The following PTGFR variants were observed in gnomAD, a reference collection of about 807,000 sequenced individuals.
PTGFR encodes prostaglandin F receptor.
PTGFR carries 15 observed loss-of-function variants against 26.2 expected under a neutral mutation model. That is an observed-to-expected ratio of 0.57 (90% CI 0.38 to 0.88). The LOEUF is 0.88. Ranked by LOEUF, PTGFR falls within the 40% of genes least tolerant of loss-of-function variation. The probability of loss-of-function intolerance (pLI) is 0.00; values close to 1 mark genes in which losing one functional copy is unlikely to be tolerated. For missense variants in PTGFR, 369 were observed against 427.2 expected, an observed-to-expected ratio of 0.86 and a Z score of 1.20; for synonymous variants, 165 against 151.1, an observed-to-expected ratio of 1.09 and a Z score of -0.68.
At chr1:78,532,364 TTA>T (rs200848855) in intron 2 of PTGFR, 1,379 of 85,200 alleles carry the variant, frequency 0.016, 39 homozygotes, top group African/African-American at 0.027. Flanking sequence ...GTAAATTCAT[TTA>T]TATATATATA....
At chr1:78,517,759 C>G (rs531396049) in intron 2 of PTGFR, among the ~76,000 whole-genome samples, 44 of 152,046 alleles carry the variant, frequency 2.9e-4, no homozygotes, top group Admixed American at 1.3e-4. Flanking sequence ...GTTTTGGAAG[C>G]CATTGGAAGG....
At chr1:78,530,921 C>T (rs536925435) in intron 2 of PTGFR, among the ~76,000 whole-genome samples, 1 of 152,204 alleles carries the variant, frequency 6.6e-6, no homozygotes, top group South Asian at 2.1e-4. Flanking sequence ...TTGGCAATAT[C>T]AGAAAGATAG....
chr1:78,517,251 G>A lies in PTGFR; in HGVS notation c.799-19155G>A, dbSNP rs552356732. On this transcript the variant is annotated intron_variant, in intron 2 of 2. Transcript: ENST00000370757. ...AAAATTTTTTATCAGTGCTTTCCATGTGTAAGATACTGTTCTAGATGCTAG... is the reference window on the plus strand; with the variant it reads ...AAAATTTTTTATCAGTGCTTTCCATATGTAAGATACTGTTCTAGATGCTAG... Among the ~76,000 whole-genome samples, 5 of 152,218 alleles carry A rather than the reference G, an allele frequency of 3.3e-5. 1 individual carries two copies. The South Asian group carries it at 1.0e-3, about 32-fold the overall frequency.
intron 2 of PTGFR, 146 bp from the exon 3 acceptor site, chr1:78,536,260 T>G: frequency 1.4e-6 from 1 of 740,570 alleles, no homozygotes; most frequent in Non-Finnish European, 2.1e-6. Flanking sequence ...GTTTCTGCTA[T>G]CATTGATTTC....
chr1:78,509,251 G>C (rs2100367480), intron 2 of PTGFR, among the ~76,000 whole-genome samples: 1 of 152,262 alleles, frequency 6.6e-6, no homozygotes, highest in South Asian at 2.1e-4. Context: ...CCTAGTGCCA[G>C]GAATATGATG....
Position 78,492,859 on chromosome 1 carries a change from T to C in PTGFR, c.116T>C (p.Val39Ala). ...TTTTTTTCAGTAATCTTCATGACAGTGGGAATCTTGTCAAACAGCCTTGCC... is the reference window on the plus strand; with the variant it reads ...TTTTTTTCAGTAATCTTCATGACAGCGGGAATCTTGTCAAACAGCCTTGCC... ...SVFFSVIFMT[V>A]GILSNSLAIA... The change falls in exon 2 of 3, where the codon GTG becomes GCG. Residue 39 changes from valine to alanine, a missense_variant. Val to Ala is a moderately conservative substitution (Grantham distance 64, BLOSUM62 0). Transcript: ENST00000370757. 7 of 1,614,162 alleles carry C rather than the reference T, an allele frequency of 4.3e-6. No homozygotes were observed. In the South Asian group the frequency reaches 7.7e-5, roughly 18 times the overall value.
chr1:78,493,334 A>G lies in PTGFR; in HGVS notation c.591A>G (p.Glu197=). ...ACACAGAAGACATCAAAGACTGGGA[A>G]GATAGATTTTATCTTCTACTTTTTT... ...FYNTEDIKDW[E]DRFYLLLFSF... The change falls in exon 2 of 3, where the codon GAA becomes GAG. Residue 197 remains glutamate (E), a synonymous_variant. Coordinates refer to ENST00000370757, the MANE Select transcript of PTGFR (RefSeq NM_000959.4). 2 of 1,614,174 alleles carry G rather than the reference A, an allele frequency of 1.2e-6. No individual in the cohort carries two copies. Among genetic ancestry groups the G allele is most frequent in the Non-Finnish European group, 1.7e-6 (2 of 1,180,008 alleles).
intron 2 of PTGFR, among the ~76,000 whole-genome samples, chr1:78,502,554 TCA>T: frequency 6.6e-6 from 1 of 152,298 alleles, no homozygotes; most frequent in Middle Eastern, 3.4e-3. Context: ...ACCATATGCT[TCA>T]GTTATTATAC....
rs1570265735 is a variant in PTGFR, at chr1:78,493,339, G to T, written c.596G>T (p.Arg199Ile). 1 of 1,614,118 alleles carries T rather than the reference G, an allele frequency of 6.2e-7. No individual in the cohort carries two copies. The highest frequency in any genetic ancestry group is 1.1e-5 in the South Asian group (1 of 91,066). ...GAAGACATCAAAGACTGGGAAGATA[G>T]ATTTTATCTTCTACTTTTTTCTTTT... ...NTEDIKDWEDRFYLLLFSFLG... is the reference protein window; with the variant it reads ...NTEDIKDWEDIFYLLLFSFLG... Residue 199 changes from arginine (R) to isoleucine (I), a missense_variant, in exon 2 of 3, where the codon AGA (arginine) becomes ATA (isoleucine). By Grantham distance (97) the Arg-to-Ile change is moderately conservative. Transcript: ENST00000370757.
Position 78,536,578 on chromosome 1 carries a change from G to C in PTGFR, c.971G>C (p.Gly324Ala), listed in dbSNP as rs1342726955. 6.2e-7 allele frequency: 1 copy of C among 1,613,394 alleles called. No homozygotes were observed. The highest frequency in any genetic ancestry group is 2.2e-5 in the East Asian group (1 of 44,828). Residue 324 changes from glycine (G) to alanine (A), a missense_variant, in exon 3 of 3, where the codon GGA (glycine) becomes GCA (alanine). Physicochemically the swap from Gly to Ala is moderately conservative, Grantham distance 60. Coordinates refer to ENST00000370757, the MANE Select transcript of PTGFR (RefSeq NM_000959.4). ...TATAAGCTTGCCAGTCAATGCTGTG[G>C]AGTGCATGTCATCAGCTTACATATT... ...NLYKLASQCC[G>A]VHVISLHIWE...
intron 2 of PTGFR, among the ~76,000 whole-genome samples, chr1:78,504,936 C>G (rs1649792942): frequency 6.6e-6 from 1 of 151,946 alleles, no homozygotes; most frequent in Admixed American, 6.6e-5. Context: ...GCTTTATGTA[C>G]AATTATCATC....
At chr1:78,526,630 A>G (rs555298323) in intron 2 of PTGFR, among the ~76,000 whole-genome samples, 1 of 152,248 alleles carries the variant, frequency 6.6e-6, no homozygotes, top group South Asian at 2.1e-4. Context: ...AGAATGAACA[A>G]ATAAAAAGAA....
intron 2 of PTGFR, among the ~76,000 whole-genome samples, chr1:78,510,775 T>C (rs190197803): frequency 6.6e-6 from 1 of 152,272 alleles, no homozygotes; most frequent in Non-Finnish European, 1.5e-5. Context: ...CATCTGAGAC[T>C]CAAGTCAGAT....
At chr1:78,531,815 G>GGA (rs1650514420) in intron 2 of PTGFR, among the ~76,000 whole-genome samples, 1 of 152,050 alleles carries the variant, frequency 6.6e-6, no homozygotes, top group South Asian at 2.1e-4. Flanking sequence ...ACAAAGTAGA[G>GGA]GAGTAGGATT....
chr1:78,492,226 TTAAC>T (rs1304313675), intron 1 of PTGFR, among the ~76,000 whole-genome samples: 3 of 152,236 alleles, frequency 2.0e-5, no homozygotes, highest in African/African-American at 7.2e-5. Flanking sequence ...AGCAGGTCGT[TTAAC>T]TGAGGAATAA....
chr1:78,507,157 G>T (rs1174764764), intron 2 of PTGFR, among the ~76,000 whole-genome samples: 1 of 152,160 alleles, frequency 6.6e-6, no homozygotes, highest in Non-Finnish European at 1.5e-5. Flanking sequence ...TCTGTCCTCT[G>T]ATTCTTCAGG....
chr1:78,493,569 T>C (rs1352082622), intron 2 of PTGFR, 28 bp downstream of exon 2: 2 of 1,507,240 alleles, frequency 1.3e-6, no homozygotes, highest in African/African-American at 1.4e-5. Context: ...TGACTTCTGC[T>C]TTCTTGGGTT....
chr1:78,505,022 C>G (rs1649795199), intron 2 of PTGFR, among the ~76,000 whole-genome samples: 1 of 151,356 alleles, frequency 6.6e-6, no homozygotes, highest in African/African-American at 2.4e-5. Flanking sequence ...CACAATCTAT[C>G]TTATTATCAA....
At chr1:78,508,750 G>A (rs1649885574) in intron 2 of PTGFR, among the ~76,000 whole-genome samples, 1 of 152,142 alleles carries the variant, frequency 6.6e-6, no homozygotes, top group African/African-American at 2.4e-5. Context: ...TTAACCCAGA[G>A]GGTCATTGTT....
Sources: allele counts gnomAD v4.1 joint callset (sites outside exome capture counted in the v4.1 genomes callset), GRCh38; gene constraint gnomAD v4.1.1; transcripts MANE v1.5; gene names NCBI Gene and HGNC (gene_info 2026-07-23, HGNC 2026-07-21).